TTYH1: variants seen among roughly 807,000 people sequenced by gnomAD.
The protein encoded by TTYH1 is tweety family member 1, also known as protein tweety homolog 1.
A neutral mutation model predicts 61.2 loss-of-function variants in TTYH1; 33 were observed. The ratio of observed to expected loss-of-function variants is 0.54; its 90% CI spans 0.41 to 0.72. The LOEUF is 0.72. Ranked by LOEUF, TTYH1 falls within the 30% of genes least tolerant of loss-of-function variation. TTYH1 has a pLI of 0.00. For missense variants in TTYH1, 538 were observed against 575.8 expected, an observed-to-expected ratio of 0.93 and a Z score of 0.67; for synonymous variants, 308 against 266.4, an observed-to-expected ratio of 1.16 and a Z score of -1.52.
chr19:54,419,251 T>C lies in TTYH1; in HGVS notation c.250T>C (p.Ser84Pro), dbSNP rs1444025554. ...PPEPPGSKIPSPGGGCVTWSC... is the reference protein window; with the variant it reads ...PPEPPGSKIPPPGGGCVTWSC... ...CGAGCCCCCCGGGTCCAAGATCCCC[T>C]CGCCCGGGGGAGGCTGCGTCACCTG... Residue 84 changes from serine (S) to proline (P), a missense_variant, in exon 2 of 14, where the codon TCG becomes CCG. Ser to Pro is a moderately conservative substitution (Grantham distance 74). Around this residue, in one of 3 missense-constraint regions of TTYH1, gnomAD observed 157 missense variants for 157.0 expected, o/e 1.00. Coordinates refer to ENST00000376530, the MANE Select transcript of TTYH1 (RefSeq NM_020659.4). The surrounding 1 kb of genome is among the most constrained non-coding windows in gnomAD (Gnocchi z 6.1). The C allele has an allele frequency of 1.2e-6, 2 of 1,604,432 alleles. No homozygotes were observed. Among genetic ancestry groups the C allele is most frequent in the Admixed American group, 1.7e-5 (1 of 59,878 alleles).
intron 4 of TTYH1, among the ~76,000 whole-genome samples, chr19:54,425,662 G>A (rs914551229): frequency 6.6e-6 from 1 of 151,838 alleles, no homozygotes; most frequent in East Asian, 1.9e-4. Flanking sequence ...TTGCATGCTT[G>A]CACCTCCTGA....
chr19:54,415,502 G>A lies in TTYH1; in HGVS notation c.-51G>A, dbSNP rs779090803. On this transcript the variant is annotated 5_prime_UTR_variant, in exon 1 of 14. Transcript: ENST00000376530. This position sits in a 1 kb window ranked among gnomAD's most constrained non-coding sequence, Gnocchi z 5.2. ...GCCGCCCGCGCCCCGCTCGACTCCGGAGGCTCCCGCAGCCCCGGCGTCCGC... is the reference window on the plus strand; with the variant it reads ...GCCGCCCGCGCCCCGCTCGACTCCGAAGGCTCCCGCAGCCCCGGCGTCCGC... The A allele has an allele frequency of 7.4e-7, 1 of 1,346,360 alleles. No homozygotes were observed. Among genetic ancestry groups the A allele is most frequent in the South Asian group, 1.8e-5 (1 of 54,874 alleles). 83.4% of individuals were successfully genotyped at this position (1,346,360 alleles called of 1,614,324 possible). A position where few individuals can be genotyped will look rare whatever the true frequency, so the allele number is the denominator to read the frequency against.
Position 54,415,922 on chromosome 19 carries a change from C to T in TTYH1, c.126+244C>T, listed in dbSNP as rs1020711502. ...TAAGGGAAGGCTGGGGACCTGCACC[C>T]CTGAGTTCATGGAGAGGAGGGGAGG... On this transcript the variant is annotated intron_variant, in intron 1 of 13. Transcript: ENST00000376530. This position sits in a 1 kb window ranked among gnomAD's most constrained non-coding sequence, Gnocchi z 5.2. 5 of 862,234 alleles carry T rather than the reference C, an allele frequency of 5.8e-6. No homozygotes were observed. Among genetic ancestry groups the T allele is most frequent in the African/African-American group, 1.7e-5 (1 of 58,610 alleles). 53.4% of individuals were successfully genotyped at this position (862,234 alleles called of 1,614,324 possible).
At chr19:54,422,507 C>A (rs2083240256) in intron 4 of TTYH1, 97 bp downstream of exon 4, 1 of 1,094,038 alleles carries the variant, frequency 9.1e-7, no homozygotes, top group Non-Finnish European at 1.3e-6. Flanking sequence ...TTGGTTGTGA[C>A]AGCTGGGGAG....
Position 54,431,190 on chromosome 19 carries a change from A to C in TTYH1, c.1124A>C (p.Lys375Thr). ...VALLHCRSLHKDYGAALRGLC... is the reference protein window; with the variant it reads ...VALLHCRSLHTDYGAALRGLC... The stretch of plus-strand genomic sequence containing the variant: ...CTGCTACACTGCCGCAGCCTGCACA[A>C]GGTGAAGCCCCTCCCCTCCCAATTT... Residue 375 changes from lysine to threonine, a missense_variant and splice_region_variant, in exon 10 of 14, where the codon AAG becomes ACG. Transcript: ENST00000376530. 6.2e-7 allele frequency: 1 copy of C among 1,611,864 alleles called. No individual in the cohort carries two copies. The highest frequency in any genetic ancestry group is 8.5e-7 in the Non-Finnish European group (1 of 1,178,112).
intron 7 of TTYH1, among the ~76,000 whole-genome samples, 197 bp from the exon 8 acceptor site, chr19:54,430,353 G>T (rs2083409985): frequency 6.6e-6 from 1 of 152,162 alleles, no homozygotes; most frequent in African/African-American, 2.4e-5. Context: ...GTATAGGGTT[G>T]CCCACCAGCG....
intron 10 of TTYH1, 105 bp downstream of exon 10, chr19:54,431,296 A>C (rs763406682): frequency 2.7e-6 from 2 of 738,530 alleles, no homozygotes; most frequent in African/African-American, 3.5e-5. Flanking sequence ...GCGCCTGAGG[A>C]TATCTCTGTA....
At chr19:54,426,313 G>C (rs2083318630) in intron 4 of TTYH1, among the ~76,000 whole-genome samples, 1 of 152,194 alleles carries the variant, frequency 6.6e-6, no homozygotes. Flanking sequence ...GGGATCTTTG[G>C]TGCAGTCTTG....
chr19:54,424,076 G>A (rs913989877), intron 4 of TTYH1, among the ~76,000 whole-genome samples: 1 of 152,066 alleles, frequency 6.6e-6, no homozygotes, highest in East Asian at 1.9e-4. Context: ...CAGGAGAATC[G>A]CTTGAACCCA....
chr19:54,430,956 C>T (rs1257343137), intron 9 of TTYH1, 51 bp downstream of exon 9: 1 of 1,403,876 alleles, frequency 7.1e-7, no homozygotes, highest in East Asian at 3.4e-5. Flanking sequence ...GGAAGGCGGA[C>T]GGGGCGGGAT....
chr19:54,428,730 C>G (rs1021130881), intron 5 of TTYH1, among the ~76,000 whole-genome samples: 2 of 152,100 alleles, frequency 1.3e-5, no homozygotes, highest in Non-Finnish European at 2.9e-5. Context: ...GTGGGAGAGA[C>G]CCCGCGTAAG....
chr19:54,430,541 C>T lies in TTYH1; in HGVS notation c.884-9C>T. 2 of 1,614,092 alleles carry T rather than the reference C, an allele frequency of 1.2e-6. No individual in the cohort carries two copies. Among genetic ancestry groups the T allele is most frequent in the Non-Finnish European group, 1.7e-6 (2 of 1,179,948 alleles). ...CATGGCCTCCTCCCCTCTCCTCCTC[C>T]CACTTCAGACATCCTGAGCTATTAT... On this transcript the variant is annotated splice_polypyrimidine_tract_variant and intron_variant, in intron 7 of 13. Transcript: ENST00000376530.
At chr19:54,433,463 G>C (rs1372992541) in intron 10 of TTYH1, 1 of 151,796 alleles carries the variant, frequency 6.6e-6, no homozygotes, top group Non-Finnish European at 1.5e-5. Context: ...AGGAGGCTGA[G>C]GCACGAGAAT....
intron 5 of TTYH1, among the ~76,000 whole-genome samples, chr19:54,428,598 A>G (rs1176164116): frequency 6.6e-6 from 1 of 152,156 alleles, no homozygotes; most frequent in Non-Finnish European, 1.5e-5. Flanking sequence ...CCACACAGCT[A>G]GAAGTGCTAG....
At position 54,421,282 on chromosome 19, in the gene TTYH1, G is replaced by T; in HGVS notation, c.311G>T (p.Gly104Val). 1 of 1,610,940 alleles carries T rather than the reference G, an allele frequency of 6.2e-7. No individual in the cohort carries two copies. Among genetic ancestry groups the T allele is most frequent in the Middle Eastern group, 1.7e-4 (1 of 6,056 alleles). Reference protein sequence around the residue: ...CIVALLAGCTGIGIGFYGNSE... With the variant: ...CIVALLAGCTVIGIGFYGNSE... Reference sequence around the variant, plus strand: ...CTCCCTCCTCCTCCGCTCAGCACTGGCATTGGCATCGGTTTCTATGGCAAC... The same window carrying T: ...CTCCCTCCTCCTCCGCTCAGCACTGTCATTGGCATCGGTTTCTATGGCAAC... The change falls in exon 3 of 14, where the codon GGC (glycine) becomes GTC (valine). Residue 104 changes from glycine to valine, a missense_variant. Gly to Val is a moderately radical substitution (Grantham distance 109). Transcript: ENST00000376530. The surrounding 1 kb of genome is among the most constrained non-coding windows in gnomAD (Gnocchi z 4.8).
At chr19:54,433,884 C>A (rs192180153) in intron 10 of TTYH1, among the ~76,000 whole-genome samples, 5 of 152,130 alleles carry the variant, frequency 3.3e-5, no homozygotes, top group Admixed American at 2.0e-4. Flanking sequence ...TTGCAAGAGG[C>A]GGCAGCGTGA....
In TTYH1 at chr19:54,415,784, C is replaced by A; in HGVS notation, c.126+106C>A. The A allele has an allele frequency of 8.0e-7, 1 of 1,256,722 alleles. No individual in the cohort carries two copies. Among genetic ancestry groups the A allele is most frequent in the Non-Finnish European group, 1.1e-6 (1 of 951,030 alleles). The allele number at this position is 1,256,722 out of a possible 1,614,324, so 77.8% of individuals were successfully genotyped here. On this transcript the variant is annotated intron_variant, in intron 1 of 13. Transcript: ENST00000376530. This position sits in a 1 kb window ranked among gnomAD's most constrained non-coding sequence, Gnocchi z 5.2. ...CAGATTTCCTGAGCTCCGCCGGAGG[C>A]TGGGGGCCGGCCCGGACTTTGGGGT...
chr19:54,415,579 C>G lies in TTYH1; in HGVS notation c.27C>G (p.Pro9=), dbSNP rs1207624485. Residue 9 remains proline, a synonymous_variant, in exon 1 of 14, where the codon CCC becomes CCG. Coordinates refer to ENST00000376530, the MANE Select transcript of TTYH1 (RefSeq NM_020659.4). This position sits in a 1 kb window ranked among gnomAD's most constrained non-coding sequence, Gnocchi z 5.2. ...TGGGGGCGCCCCCGGGCTACCGGCC[C>G]TCAGCTTGGGTGCATCTCCTCCACC... MGAPPGYR[P]SAWVHLLHQL... is the part of the protein sequence containing the mutation. 2.0e-6 allele frequency: 3 copies of G among 1,508,828 alleles called. No individual in the cohort carries two copies. Among genetic ancestry groups the G allele is most frequent in the Admixed American group, 2.1e-5 (1 of 46,846 alleles). The allele number at this position is 1,508,828 out of a possible 1,614,324, so 93.5% of individuals were successfully genotyped here. A position where few individuals can be genotyped will look rare whatever the true frequency, so the allele number is the denominator to read the frequency against.
In TTYH1 at chr19:54,429,984, GCCGGGTTGGGCAGTGCAGGC is replaced by G. The variant is rs745979292; in HGVS notation, c.883+30_883+49del. On this transcript the variant is annotated intron_variant, in intron 7 of 13. Coordinates refer to ENST00000376530, the MANE Select transcript of TTYH1 (RefSeq NM_020659.4). The surrounding 1 kb of genome is among the most constrained non-coding windows in gnomAD (Gnocchi z 5.1). ...TGATTTCCAAGGGCCCGGTGGGTCC[GCCGGGTTGGGCAGTGCAGGC>G]CCTGGCTTCCTCAGGCCTCCTCTGT... 6 of 1,600,776 alleles carry G rather than the reference GCCGGGTTGGGCAGTGCAGGC, an allele frequency of 3.7e-6. No homozygotes were observed. In the Admixed American group the frequency reaches 6.7e-5, roughly 18 times the overall value.
Sources: gnomAD v4.1 joint callset for allele counts (sites outside exome capture counted in the v4.1 genomes callset) on GRCh38, gnomAD v4.1.1 for gene constraint, gnomAD v4.1.1 regional missense constraint, Gnocchi (gnomAD v3.1) non-coding constraint, MANE v1.5 for transcripts, NCBI Gene and HGNC (gene_info 2026-07-23, HGNC 2026-07-21) for gene names.